TFCP2: variants seen among roughly 807,000 people sequenced by gnomAD.
The protein encoded by TFCP2 is alpha-globin transcription factor CP2.
TFCP2 carries 33 observed loss-of-function variants against 73.4 expected under a neutral mutation model. That is an observed-to-expected ratio of 0.45 (90% CI 0.34 to 0.60). The LOEUF (loss-of-function observed/expected upper bound fraction) is 0.60. Among genes scored for constraint, TFCP2 ranks in the 20% least tolerant of loss-of-function variants. The pLI is 0.01. For missense variants in TFCP2, 352 were observed against 604.0 expected (o/e 0.58, Z 4.37); for synonymous variants, 193 against 211.6 (o/e 0.91, Z 0.76).
At chr12:51,096,861 T>C (rs1168349231) in intron 13 of TFCP2, among the ~76,000 whole-genome samples, 3 of 152,090 alleles carry the variant, frequency 2.0e-5, no homozygotes, top group Admixed American at 6.6e-5. Context: ...CAATAGGCAG[T>C]ATTCAGCTAC....
intron 1 of TFCP2, among the ~76,000 whole-genome samples, chr12:51,154,950 TGA>T (rs1164816839): frequency 6.6e-6 from 1 of 152,166 alleles, no homozygotes; most frequent in Non-Finnish European, 1.5e-5. Context: ...ACTGTATCTG[TGA>T]GAGTGTTTCC....
intron 1 of TFCP2, among the ~76,000 whole-genome samples, chr12:51,152,661 G>A (rs1016606422): frequency 6.6e-6 from 1 of 152,138 alleles, no homozygotes; most frequent in Non-Finnish European, 1.5e-5. Flanking sequence ...TTCTGAGAAA[G>A]AGAAGGATAA....
At chr12:51,131,440 C>T (rs960251581) in intron 1 of TFCP2, among the ~76,000 whole-genome samples, 12 of 151,626 alleles carry the variant, frequency 7.9e-5, no homozygotes, top group South Asian at 6.2e-4. Context: ...ACAGGCCCAT[C>T]GGTATAGTTT....
intron 13 of TFCP2, among the ~76,000 whole-genome samples, chr12:51,097,180 C>A (rs1031367775): frequency 3.3e-5 from 5 of 152,130 alleles, no homozygotes; most frequent in Non-Finnish European, 7.3e-5. Context: ...AAACTCCTGA[C>A]CTCAGGTGAT....
intron 1 of TFCP2, among the ~76,000 whole-genome samples, chr12:51,161,496 C>T (rs768965141): frequency 6.6e-6 from 1 of 151,638 alleles, no homozygotes; most frequent in Non-Finnish European, 1.5e-5. Context: ...CTGGCTAACA[C>T]GGTGAAACCC....
intron 1 of TFCP2, among the ~76,000 whole-genome samples, chr12:51,154,483 C>T (rs578110515): frequency 6.6e-6 from 1 of 152,286 alleles, no homozygotes; most frequent in South Asian, 2.1e-4. Flanking sequence ...CACTTGAGAT[C>T]AGGAGTTCGA....
intron 1 of TFCP2, among the ~76,000 whole-genome samples, chr12:51,158,856 C>T (rs1439455908): frequency 1.3e-5 from 2 of 150,990 alleles, no homozygotes; most frequent in Non-Finnish European, 3.0e-5. Context: ...GAGTATGGTG[C>T]CAGTCCTTTA....
At chr12:51,101,882 C>G in intron 11 of TFCP2, 53 bp downstream of exon 11, 1 of 1,189,376 alleles carries the variant, frequency 8.4e-7, no homozygotes, top group South Asian at 1.2e-5. Flanking sequence ...ATTCCTGAAT[C>G]CAAATCCATT....
intron 1 of TFCP2, chr12:51,125,133 A>T: frequency 1.3e-6 from 1 of 744,908 alleles, no homozygotes. Flanking sequence ...CTGGAAGATG[A>T]TGCGCAGTGT....
intron 1 of TFCP2, among the ~76,000 whole-genome samples, chr12:51,152,595 A>G (rs1941452624): frequency 6.6e-6 from 1 of 152,242 alleles, no homozygotes; most frequent in South Asian, 2.1e-4. Flanking sequence ...GGGGCGCCAC[A>G]TCTGCCTTTT....
At chr12:51,142,768 G>C (rs1941219591) in intron 1 of TFCP2, among the ~76,000 whole-genome samples, 1 of 152,096 alleles carries the variant, frequency 6.6e-6, no homozygotes, top group Admixed American at 6.6e-5. Context: ...ATAACTAAAA[G>C]TCTTTATACA....
In TFCP2 at chr12:51,094,175, C is replaced by T. The variant is rs1376258338; in HGVS notation, c.*1066G>A. 6.6e-6 allele frequency: 1 copy of T among 152,152 alleles called. No homozygotes were observed. The highest frequency in any genetic ancestry group is 2.4e-5 in the African/African-American group (1 of 41,414). 9.4% of individuals were successfully genotyped at this position (152,152 alleles called of 1,614,324 possible). A position where few individuals can be genotyped will look rare whatever the true frequency, so the allele number is the denominator to read the frequency against. On this transcript the variant is annotated 3_prime_UTR_variant, in exon 15 of 15. Coordinates refer to ENST00000257915, the MANE Select transcript of TFCP2 (RefSeq NM_005653.5). ...ACAGAAAGCAGGGATGAGACTAACT[C>T]ATTAATAAATAGTTTGAGAATGTCA...
At chr12:51,124,896 A>C (rs780456738) in intron 1 of TFCP2, 6 of 1,004,408 alleles carry the variant, frequency 6.0e-6, no homozygotes, top group Admixed American at 1.7e-5. Context: ...TCCAAAGGTC[A>C]GATATGTCAA....
chr12:51,140,054 A>G (rs529562157), intron 1 of TFCP2, among the ~76,000 whole-genome samples: 1 of 152,328 alleles, frequency 6.6e-6, no homozygotes, highest in East Asian at 1.9e-4. Context: ...ATTTTATCCA[A>G]GTTTTATCCT....
At chr12:51,166,192 G>A (rs1481826158) in intron 1 of TFCP2, among the ~76,000 whole-genome samples, 1 of 151,636 alleles carries the variant, frequency 6.6e-6, no homozygotes, top group Non-Finnish European at 1.5e-5. Context: ...GTATGTGCCT[G>A]TAATCCCAGC....
In TFCP2 at chr12:51,103,757, A is replaced by G. The variant is rs1940165171; in HGVS notation, c.973T>C (p.Leu325=). 1 of 1,612,864 alleles carries G rather than the reference A, an allele frequency of 6.2e-7. No homozygotes were observed. Among genetic ancestry groups the G allele is most frequent in the Non-Finnish European group, 8.5e-7 (1 of 1,179,644 alleles). The change falls in exon 10 of 15, where the codon TTA becomes CTA. Residue 325 remains leucine (L), a synonymous_variant. Transcript: ENST00000257915. The part of the protein sequence containing the change: ...EPPPPVTDNL[L]PTTTPQEAQQ... ...GCTTCCTGAGGTGTGGTTGTTGGTAAGAGGTTCTGAAAGGGAGAGCACGTT... is the reference window on the plus strand; with the variant it reads ...GCTTCCTGAGGTGTGGTTGTTGGTAGGAGGTTCTGAAAGGGAGAGCACGTT...
rs577648072 is a variant in TFCP2 at position 51,125,181 on chromosome 12, A to G, written c.123-6409T>C. 11 of 693,832 alleles carry G rather than the reference A, an allele frequency of 1.6e-5. No individual in the cohort carries two copies. In the East Asian group the frequency reaches 1.7e-4, roughly 11 times the overall value. 43.0% of individuals were successfully genotyped at this position (693,832 alleles called of 1,614,324 possible). A position where few individuals can be genotyped will look rare whatever the true frequency, so the allele number is the denominator to read the frequency against. ...CTGTAAATCTTTGCTACCAGTGATGATTGGTACATTACGTGGTGGAGAAAG... is the reference window on the plus strand; with the variant it reads ...CTGTAAATCTTTGCTACCAGTGATGGTTGGTACATTACGTGGTGGAGAAAG... On this transcript the variant is annotated intron_variant, in intron 1 of 14. Coordinates refer to ENST00000257915, the MANE Select transcript of TFCP2 (RefSeq NM_005653.5).
chr12:51,159,168 G>A (rs1273369986), intron 1 of TFCP2, among the ~76,000 whole-genome samples: 1 of 129,596 alleles, frequency 7.7e-6, no homozygotes, highest in Non-Finnish European at 1.6e-5. Flanking sequence ...ATCATTGTGA[G>A]ACTCTGTCTC....
intron 2 of TFCP2, 144 bp downstream of exon 2, chr12:51,118,477 C>A (rs1566208335): frequency 8.6e-6 from 8 of 935,520 alleles, no homozygotes; most frequent in African/African-American, 1.7e-5. Context: ...ATGGTGTGAA[C>A]CCGGGAGGCA....
Sources: gnomAD v4.1 joint callset for allele counts (sites outside exome capture counted in the v4.1 genomes callset) on GRCh38, gnomAD v4.1.1 for gene constraint, MANE v1.5 for transcripts, NCBI Gene and HGNC (gene_info 2026-07-23, HGNC 2026-07-21) for gene names.